ADAMTSL5: variants seen among roughly 807,000 people sequenced by gnomAD.
ADAMTSL5 encodes the protein ADAMTS-like protein 5.
ADAMTSL5 carries 53 observed loss-of-function variants against 51.7 expected under a neutral mutation model. The observed-to-expected ratio is 1.03, with a 90% CI of 0.82 to 1.29. The LOEUF is 1.29. Ranked by LOEUF, ADAMTSL5 falls within the 50% of genes most tolerant of loss-of-function variation. ADAMTSL5 has a pLI of 0.00. For missense variants in ADAMTSL5, 770 were observed against 676.2 expected, an observed-to-expected ratio of 1.14 and a Z score of -1.54; for synonymous variants, 285 against 278.7, an observed-to-expected ratio of 1.02 and a Z score of -0.23.
At position 1,506,870 on chromosome 19, in the gene ADAMTSL5, C is replaced by A; in HGVS notation, c.911G>T (p.Arg304Leu). 5.8e-6 allele frequency: 9 copies of A among 1,548,394 alleles called. No individual in the cohort carries two copies. Among genetic ancestry groups the A allele is most frequent in the Non-Finnish European group, 7.0e-6 (8 of 1,145,978 alleles). ...CACACGAGCCTGGAAGGGGCTGTAGCGCTCCCGAGGGAGCCAGAACTCAAA... is the reference window on the plus strand; with the variant it reads ...CACACGAGCCTGGAAGGGGCTGTAGAGCTCCCGAGGGAGCCAGAACTCAAA... Reference protein sequence around the residue: ...IEFEFWLPRERYSPFQARVQA... With the variant: ...IEFEFWLPRELYSPFQARVQA... Residue 304 changes from arginine (R) to leucine (L), a missense_variant, in exon 10 of 12, where the codon CGC (arginine) becomes CTC (leucine). Coordinates refer to ENST00000330475, the MANE Select transcript of ADAMTSL5 (RefSeq NM_213604.3). The surrounding 1 kb of genome is among the most constrained non-coding windows in gnomAD (Gnocchi z 5.6).
intron 7 of ADAMTSL5, 145 bp downstream of exon 7, chr19:1,507,853 C>G: frequency 9.7e-7 from 1 of 1,028,520 alleles, no homozygotes; most frequent in East Asian, 2.6e-5. Flanking sequence ...AAGGGCGGGA[C>G]AATCTGTCAG....
At chr19:1,510,098 A>G in intron 5 of ADAMTSL5, 52 bp downstream of exon 5, 3 of 1,429,488 alleles carry the variant, frequency 2.1e-6, no homozygotes, top group Non-Finnish European at 2.9e-6. Context: ...CCTGAGACTA[A>G]TGAGTTGTTC....
Position 1,506,358 on chromosome 19 carries a change from G to A in ADAMTSL5, c.1115-42C>T, listed in dbSNP as rs1169680522. On this transcript the variant is annotated intron_variant, in intron 11 of 11. Coordinates refer to ENST00000330475, the MANE Select transcript of ADAMTSL5 (RefSeq NM_213604.3). This position sits in a 1 kb window ranked among gnomAD's most constrained non-coding sequence, Gnocchi z 5.6. ...CTAAGCTGGCTGGCTGCTCAACTCT[G>A]CGCAAATCTCTACGCCCCCTCCCTT... 5 of 1,539,292 alleles carry A rather than the reference G, an allele frequency of 3.2e-6. No individual in the cohort carries two copies. The highest frequency in any genetic ancestry group is 4.4e-6 in the Non-Finnish European group (5 of 1,142,274).
At chr19:1,508,609 T>C (rs371028344) in intron 5 of ADAMTSL5, 39 bp from the exon 6 acceptor site, 8 of 1,478,260 alleles carry the variant, frequency 5.4e-6, no homozygotes, top group Non-Finnish European at 7.2e-6. Flanking sequence ...GGACCCCTGT[T>C]CGAGCTCCAG....
At chr19:1,510,109 G>T (rs374110810) in intron 5 of ADAMTSL5, 41 bp downstream of exon 5, 11 of 1,503,580 alleles carry the variant, frequency 7.3e-6, no homozygotes, top group Non-Finnish European at 1.0e-5. Flanking sequence ...TGAGTTGTTC[G>T]CTCTGGACCA....
intron 6 of ADAMTSL5, 137 bp from the exon 7 acceptor site, chr19:1,508,246 GGGA>G (rs1377812407): frequency 8.1e-7 from 1 of 1,228,626 alleles, no homozygotes; most frequent in Non-Finnish European, 1.1e-6. Flanking sequence ...AGGACCTGGC[GGGA>G]GGAGGATGGG....
chr19:1,510,599 G>T, intron 3 of ADAMTSL5, 40 bp downstream of exon 3: 1 of 1,492,954 alleles, frequency 6.7e-7, no homozygotes, highest in Non-Finnish European at 8.9e-7. Context: ...CTGGGCCGGC[G>T]GGGGAGGAGG....
rs758611278 is a variant in ADAMTSL5 at position 1,508,109 on chromosome 19, T to C, written c.490A>G (p.Ser164Gly). 5.6e-6 allele frequency: 9 copies of C among 1,607,160 alleles called. No individual in the cohort carries two copies. The highest frequency in any genetic ancestry group is 5.4e-5 in the African/African-American group (4 of 74,562). ...QGVCVAGRCL[S>G]AGCDGLLGSG... ...CCCAACAACCCATCACAGCCGGCGC[T>C]CTAAAGGGTGAAGGACAGGCGCGGC... The change falls in exon 7 of 12, where the codon AGC (serine) becomes GGC (glycine). Residue 164 changes from serine to glycine, a missense_variant and splice_region_variant. Transcript: ENST00000330475.
chr19:1,506,318 T>C lies in ADAMTSL5; in HGVS notation c.1115-2A>G, dbSNP rs753410952. ...GGCCCAGCACTCGGGCCTGGAACAC[T>C]GTTGAGGGGACGTGCTAAGCTGGCT... On this transcript the variant is annotated splice_acceptor_variant, in intron 11 of 11. Coordinates refer to ENST00000330475, the MANE Select transcript of ADAMTSL5 (RefSeq NM_213604.3). LOFTEE classifies it high-confidence loss of function. The surrounding 1 kb of genome is among the most constrained non-coding windows in gnomAD (Gnocchi z 5.6). The C allele has an allele frequency of 6.5e-7, 1 of 1,544,070 alleles. No homozygotes were observed. Among genetic ancestry groups the C allele is most frequent in the Non-Finnish European group, 8.7e-7 (1 of 1,143,484 alleles).
chr19:1,509,623 AG>A (rs1218363552), intron 5 of ADAMTSL5, among the ~76,000 whole-genome samples: 50 of 83,956 alleles, frequency 6.0e-4, no homozygotes, highest in East Asian at 2.8e-3. Context: ...GAAGGAAGGA[AG>A]GGAGGGAGGG....
At position 1,506,991 on chromosome 19, in the gene ADAMTSL5, C is replaced by T. The variant is rs185095426; in HGVS notation, c.853-63G>A. ...GGCTGGGGTTGCCTCCTGCCTCTGA[C>T]CCTACGACCCCAGCCTCCCCACTTT... On this transcript the variant is annotated intron_variant, in intron 9 of 11. Coordinates refer to ENST00000330475, the MANE Select transcript of ADAMTSL5 (RefSeq NM_213604.3). The surrounding 1 kb of genome is among the most constrained non-coding windows in gnomAD (Gnocchi z 5.6). The T allele has an allele frequency of 2.1e-4, 314 of 1,470,934 alleles. 11 individuals are homozygous for T. In the East Asian group the frequency reaches 3.9e-3, roughly 18 times the overall value. 91.1% of individuals were successfully genotyped at this position (1,470,934 alleles called of 1,614,324 possible). A position where few individuals can be genotyped will look rare whatever the true frequency, so the allele number is the denominator to read the frequency against.
chr19:1,511,650 A>C, intron 1 of ADAMTSL5: 1 of 1,147,216 alleles, frequency 8.7e-7, no homozygotes, highest in Non-Finnish European at 1.2e-6. Flanking sequence ...GAGGCCAGCC[A>C]CTCCACTCTC....
chr19:1,508,899 G>A (rs1239972559), intron 5 of ADAMTSL5: 2 of 211,646 alleles, frequency 9.4e-6, no homozygotes, highest in Non-Finnish European at 1.9e-5. Flanking sequence ...TCCAGACACT[G>A]TTCCAAGCTC....
At chr19:1,508,254 G>A in intron 6 of ADAMTSL5, 145 bp from the exon 7 acceptor site, 1 of 1,140,042 alleles carries the variant, frequency 8.8e-7, no homozygotes, top group South Asian at 1.6e-5. Flanking sequence ...GCGGGAGGAG[G>A]ATGGGCTTGG....
chr19:1,506,463 G>A lies in ADAMTSL5; in HGVS notation c.1114+127C>T, dbSNP rs1054710040. 2.8e-6 allele frequency: 4 copies of A among 1,453,106 alleles called. No homozygotes were observed. The African/African-American group carries it at 5.6e-5, about 20-fold the overall frequency. 90.0% of individuals were successfully genotyped at this position (1,453,106 alleles called of 1,614,324 possible). A position where few individuals can be genotyped will look rare whatever the true frequency, so the allele number is the denominator to read the frequency against. On this transcript the variant is annotated intron_variant, in intron 11 of 11. Coordinates refer to ENST00000330475, the MANE Select transcript of ADAMTSL5 (RefSeq NM_213604.3). This position sits in a 1 kb window ranked among gnomAD's most constrained non-coding sequence, Gnocchi z 5.6. ...TCAGGATCACGTCAGGGATCAATGA[G>A]GGATTAGGGTCAAGAGGCAAATTAG... is the stretch of plus-strand genomic sequence containing the variant.
Position 1,506,524 on chromosome 19 carries a change from G to C in ADAMTSL5, c.1114+66C>G. 1 of 1,553,882 alleles carries C rather than the reference G, an allele frequency of 6.4e-7. No homozygotes were observed. The highest frequency in any genetic ancestry group is 8.8e-7 in the Non-Finnish European group (1 of 1,138,188). On this transcript the variant is annotated intron_variant, in intron 11 of 11. Transcript: ENST00000330475. The surrounding 1 kb of genome is among the most constrained non-coding windows in gnomAD (Gnocchi z 5.6). The stretch of plus-strand genomic sequence containing the variant: ...AGGGGTCAAGGGTAAAGTCAGATTA[G>C]GGTCAGAGGTCAGGAGGAGGCCAGG...
intron 7 of ADAMTSL5, 149 bp downstream of exon 7, chr19:1,507,849 G>A: frequency 1.0e-6 from 1 of 997,568 alleles, no homozygotes; most frequent in Non-Finnish European, 1.5e-6. Flanking sequence ...GGGGAAGGGC[G>A]GGACAATCTG....
chr19:1,507,571 C>T lies in ADAMTSL5; in HGVS notation c.674G>A (p.Ser225Asn). The stretch of plus-strand genomic sequence containing the variant: ...TCCTAGGATACCCAGGTGGTTGCGG[C>T]TCCTGTGTTCCACGCGGATGTGTCT... ...GARHIRVEHR[S>N]RNHLALMGGD... The change falls in exon 8 of 12, where the codon AGC (serine) becomes AAC (asparagine). Residue 225 changes from serine (S) to asparagine (N), a missense_variant. By Grantham distance (46) the Ser-to-Asn change is conservative. Transcript: ENST00000330475. 1 of 1,613,552 alleles carries T rather than the reference C, an allele frequency of 6.2e-7. No homozygotes were observed. Among genetic ancestry groups the T allele is most frequent in the Non-Finnish European group, 8.5e-7 (1 of 1,179,974 alleles).
chr19:1,506,143 C>G lies in ADAMTSL5; in HGVS notation c.1288G>C (p.Val430Leu). 1.2e-6 allele frequency: 2 copies of G among 1,608,630 alleles called. No homozygotes were observed. The change falls in exon 12 of 12, where the codon GTC becomes CTC. Residue 430 changes from valine to leucine, a missense_variant. Val to Leu is a conservative substitution (Grantham distance 32). Transcript: ENST00000330475. The surrounding 1 kb of genome is among the most constrained non-coding windows in gnomAD (Gnocchi z 5.6). ...LAPHRDYLMAVQRLVSPDGTQ... is the reference protein window; with the variant it reads ...LAPHRDYLMALQRLVSPDGTQ... The stretch of plus-strand genomic sequence containing the variant: ...CCGTCGGGGCTGACAAGACGCTGGA[C>G]AGCCATCAGGTAGTCCCGGTGGGGT...
Sources: allele counts gnomAD v4.1 joint callset (sites outside exome capture counted in the v4.1 genomes callset), GRCh38; gene constraint gnomAD v4.1.1; non-coding constraint Gnocchi (gnomAD v3.1); transcripts MANE v1.5; gene names NCBI Gene and HGNC (gene_info 2026-07-23, HGNC 2026-07-21).